Variants in BICD1 observed in about 807,000 individuals in gnomAD.
The protein encoded by BICD1 is protein bicaudal D homolog 1.
In BICD1, 35 loss-of-function variants were observed where a neutral mutation model predicts 92.5. The ratio of observed to expected loss-of-function variants is 0.38; its 90% confidence interval spans 0.29 to 0.50. The LOEUF (loss-of-function observed/expected upper bound fraction) is 0.50, where lower values mean the gene tolerates loss of function less well. Ranked by LOEUF, BICD1 falls within the 20% of genes least tolerant of loss-of-function variation. The pLI, the probability that BICD1 is intolerant of heterozygous loss-of-function variation, is 0.93. For missense variants in BICD1, 950 were observed against 1,189.8 expected (o/e 0.80, Z 2.97); for synonymous variants, 429 against 465.1 (o/e 0.92, Z 1.00).
At chr12:32,252,173 ATAT>A (rs1194257384) in intron 2 of BICD1, among the ~76,000 whole-genome samples, 29 of 120,032 alleles carry the variant, frequency 2.4e-4, no homozygotes, top group African/African-American at 7.0e-4. Flanking sequence ...TTTATAATAA[ATAT>A]TATATAATAT....
intron 9 of BICD1, among the ~76,000 whole-genome samples, chr12:32,370,542 G>C (rs970733128): frequency 6.6e-6 from 1 of 152,040 alleles, no homozygotes; most frequent in African/African-American, 2.4e-5. Flanking sequence ...GTCAGTGCTG[G>C]GCACATGACA....
At chr12:32,214,865 CGA>C (rs2121551823) in intron 1 of BICD1, among the ~76,000 whole-genome samples, 1 of 152,140 alleles carries the variant, frequency 6.6e-6, no homozygotes, top group South Asian at 2.1e-4. Flanking sequence ...CCCCCAACAC[CGA>C]GAGGTTGGTT....
chr12:32,340,227 T>TCA, intron 8 of BICD1: 2 of 985,460 alleles, frequency 2.0e-6, no homozygotes, highest in Non-Finnish European at 2.4e-6. Context: ...ATAGTGCATT[T>TCA]CACGTTCTAA....
intron 8 of BICD1, among the ~76,000 whole-genome samples, chr12:32,364,859 G>C (rs1338539412): frequency 6.6e-6 from 1 of 152,172 alleles, no homozygotes; most frequent in Non-Finnish European, 1.5e-5. Flanking sequence ...GCTGAGGCAG[G>C]AGGATCACTT....
At chr12:32,376,642 T>G (rs1592736140) in intron 9 of BICD1, among the ~76,000 whole-genome samples, 1 of 151,736 alleles carries the variant, frequency 6.6e-6, no homozygotes, top group East Asian at 2.0e-4. Flanking sequence ...CCGAGGCAGG[T>G]GGATCACCAG....
At chr12:32,322,664 C>T (rs926949566) in intron 4 of BICD1, among the ~76,000 whole-genome samples, 2 of 152,118 alleles carry the variant, frequency 1.3e-5, no homozygotes, top group African/African-American at 4.8e-5. Context: ...ATGCAAGAGA[C>T]AGTGTTCTAT....
intron 1 of BICD1, among the ~76,000 whole-genome samples, chr12:32,120,003 C>A (rs1592328005): frequency 1.3e-5 from 2 of 152,278 alleles, no homozygotes; most frequent in African/African-American, 4.8e-5. Flanking sequence ...CAGAAAATAT[C>A]AAAAACTTAA....
intron 4 of BICD1, among the ~76,000 whole-genome samples, chr12:32,309,777 A>G (rs1565660710): frequency 6.6e-6 from 1 of 151,164 alleles, no homozygotes; most frequent in Non-Finnish European, 1.5e-5. Context: ...TTGTATTTTC[A>G]TTTTTTTTTA....
intron 8 of BICD1, among the ~76,000 whole-genome samples, chr12:32,357,426 A>G (rs1939158861): frequency 6.6e-6 from 1 of 152,094 alleles, no homozygotes; most frequent in Non-Finnish European, 1.5e-5. Context: ...AATTTTGAAT[A>G]ATTTGAGAGA....
chr12:32,376,393 C>G (rs117538308), intron 9 of BICD1, among the ~76,000 whole-genome samples: 302 of 151,984 alleles, frequency 2.0e-3, no homozygotes, highest in East Asian at 0.019. Flanking sequence ...GGCCGCTAGT[C>G]AAATTTTAAA....
chr12:32,287,200 C>G (rs1266767662), intron 2 of BICD1, among the ~76,000 whole-genome samples: 1 of 152,160 alleles, frequency 6.6e-6, no homozygotes, highest in Non-Finnish European at 1.5e-5. Flanking sequence ...TCAACTCAGA[C>G]TGAAATTTAG....
At chr12:32,371,612 G>C (rs780500468) in intron 9 of BICD1, among the ~76,000 whole-genome samples, 1 of 152,086 alleles carries the variant, frequency 6.6e-6, no homozygotes, top group African/African-American at 2.4e-5. Context: ...GTTTGAGACA[G>C]AGTCTCCCTC....
At chr12:32,324,999 A>G (rs1249413400) in intron 4 of BICD1, among the ~76,000 whole-genome samples, 2 of 152,176 alleles carry the variant, frequency 1.3e-5, no homozygotes, top group African/African-American at 4.8e-5. Flanking sequence ...TATTTCTTCT[A>G]TAACTCCATT....
At chr12:32,117,273 G>A (rs150128745) in intron 1 of BICD1, among the ~76,000 whole-genome samples, 3 of 152,052 alleles carry the variant, frequency 2.0e-5, no homozygotes, top group African/African-American at 4.8e-5. Flanking sequence ...ATTCTTATTC[G>A]GATTTCTTTG....
intron 8 of BICD1, among the ~76,000 whole-genome samples, chr12:32,342,712 G>GT (rs1938427875): frequency 6.6e-6 from 1 of 152,034 alleles, no homozygotes; most frequent in Non-Finnish European, 1.5e-5. Context: ...ATTGAGAGAG[G>GT]TATGTGTCGT....
intron 1 of BICD1, among the ~76,000 whole-genome samples, chr12:32,143,062 C>CT (rs1164918837): frequency 6.6e-6 from 1 of 152,156 alleles, no homozygotes; most frequent in African/African-American, 2.4e-5. Context: ...TGCCTTTTGT[C>CT]TATCACCTGT....
intron 2 of BICD1, among the ~76,000 whole-genome samples, chr12:32,237,725 A>G (rs1295101988): frequency 2.0e-5 from 3 of 152,202 alleles, no homozygotes; most frequent in Admixed American, 2.0e-4. Context: ...AAACGTTTAA[A>G]GCCTGCTGTT....
intron 1 of BICD1, among the ~76,000 whole-genome samples, chr12:32,198,146 G>A (rs1407332661): frequency 1.3e-5 from 2 of 151,320 alleles, no homozygotes; most frequent in African/African-American, 4.9e-5. Flanking sequence ...CAGAGGTTGC[G>A]GTGAGCTGAG....
chr12:32,304,181 C>T (rs933749614), intron 3 of BICD1, among the ~76,000 whole-genome samples: 1 of 152,074 alleles, frequency 6.6e-6, no homozygotes, highest in Non-Finnish European at 1.5e-5. Flanking sequence ...CTAACCTTTG[C>T]GAGACAAACC....
Sources: gnomAD v4.1 joint callset for allele counts (sites outside exome capture counted in the v4.1 genomes callset) on GRCh38, gnomAD v4.1.1 for gene constraint, MANE v1.5 for transcripts, NCBI Gene and HGNC (gene_info 2026-07-23, HGNC 2026-07-21) for gene names.